PSD3: variants seen among roughly 807,000 people sequenced by gnomAD.
PSD3 encodes the protein PH and SEC7 domain-containing protein 3.
Under a neutral mutation model 105.5 loss-of-function variants are expected in PSD3, and 49 were observed. The ratio of observed to expected loss-of-function variants is 0.46; its 90% CI spans 0.37 to 0.59. The LOEUF (loss-of-function observed/expected upper bound fraction) is 0.59, where lower values mean the gene tolerates loss of function less well. Among genes scored for constraint, PSD3 ranks in the 20% least tolerant of loss-of-function variants. PSD3 has a pLI of 0.00. For synonymous variants in PSD3, 557 were observed against 457.8 expected (o/e 1.22, Z -2.77); for missense variants, 1,561 against 1,263.8 (o/e 1.24, Z -3.57).
intron 4 of PSD3, among the ~76,000 whole-genome samples, chr8:18,829,230 C>T (rs1813476030): frequency 6.6e-6 from 1 of 152,048 alleles, no homozygotes; most frequent in African/African-American, 2.4e-5. Context: ...GTGAGAGAGA[C>T]CCTGTCTCCA....
intron 9 of PSD3, chr8:18,734,159 T>G (rs1803978522): frequency 6.6e-6 from 1 of 152,226 alleles, no homozygotes; most frequent in South Asian, 2.1e-4. Context: ...GTAGAAAATA[T>G]CACTAAACTT....
At chr8:18,775,029 C>T (rs1044149647) in intron 8 of PSD3, 1 of 453,338 alleles carries the variant, frequency 2.2e-6, no homozygotes, top group African/African-American at 2.0e-5. Context: ...CTCCTCCTAC[C>T]TTCTGGTAAC....
chr8:18,664,883 A>G (rs563732488), intron 9 of PSD3, among the ~76,000 whole-genome samples: 19 of 152,352 alleles, frequency 1.2e-4, no homozygotes, highest in African/African-American at 4.6e-4. Context: ...GTGTAACAAC[A>G]AAGCCAGGAT....
At chr8:18,626,144 G>T (rs1344274786) in intron 11 of PSD3, among the ~76,000 whole-genome samples, 1 of 151,826 alleles carries the variant, frequency 6.6e-6, no homozygotes, top group African/African-American at 2.4e-5. Context: ...TCTCCTGGAG[G>T]CAGAATTTCT....
intron 12 of PSD3, among the ~76,000 whole-genome samples, chr8:18,592,757 C>T (rs1160926608): frequency 1.3e-5 from 2 of 151,976 alleles, no homozygotes; most frequent in Non-Finnish European, 2.9e-5. Flanking sequence ...GCAAAACTAC[C>T]CTTTAAAAAT....
At chr8:18,670,786 T>C (rs1799742089) in intron 9 of PSD3, among the ~76,000 whole-genome samples, 2 of 152,132 alleles carry the variant, frequency 1.3e-5, no homozygotes, top group Admixed American at 1.3e-4. Flanking sequence ...TGTGCGAGTA[T>C]CTGGGCACGA....
intron 14 of PSD3, among the ~76,000 whole-genome samples, chr8:18,556,804 T>C (rs1285499370): frequency 6.6e-6 from 1 of 152,228 alleles, no homozygotes; most frequent in Non-Finnish European, 1.5e-5. Flanking sequence ...TGCATATTTT[T>C]TTTCCTTTTT....
intron 14 of PSD3, among the ~76,000 whole-genome samples, chr8:18,567,459 C>T (rs2634439): frequency 0.93 from 141,996 of 152,244 alleles, 66,361 homozygotes; most frequent in Non-Finnish European, 0.97. Context: ...TGCCAACATA[C>T]CTTCTGGTCA....
intron 9 of PSD3, among the ~76,000 whole-genome samples, chr8:18,660,702 A>G (rs1354201066): frequency 6.6e-6 from 1 of 152,220 alleles, no homozygotes; most frequent in African/African-American, 2.4e-5. Context: ...GAATATTTCT[A>G]AATGCTCCAC....
rs142345764 is a variant in PSD3, at chr8:18,942,639, C to T, written c.22-6497G>A. The stretch of plus-strand genomic sequence containing the variant: ...CTAATGTCTTCATATGAAAAGATGA[C>T]GACAGGCACACACTGAGAAAAGACC... On this transcript the variant is annotated intron_variant, in intron 1 of 15. Transcript: ENST00000327040. Among the ~76,000 whole-genome samples the T allele has an allele frequency of 4.4e-4, 67 of 152,228 alleles. No homozygotes were observed. In the South Asian group the frequency reaches 8.9e-3, roughly 20 times the overall value.
chr8:18,868,067 A>T lies in PSD3; in HGVS notation c.1241T>A (p.Ile414Asn). The T allele has an allele frequency of 1.9e-6, 3 of 1,595,436 alleles. No individual in the cohort carries two copies. The highest frequency in any genetic ancestry group is 2.6e-6 in the Non-Finnish European group (3 of 1,171,694). The change falls in exon 4 of 16, where the codon ATC becomes AAC. Residue 414 changes from isoleucine (I) to asparagine (N), a missense_variant and splice_region_variant. Transcript: ENST00000327040. ...TPKPERDRER[I>N]SEQEEHVKGE... ...CTTAACGTGCTCCTCTTGTTCGCTG[A>T]TCCTGGAAAGTAAATAAGAGTGAAG... is the stretch of plus-strand genomic sequence containing the variant.
At chr8:19,033,558 A>T (rs1293934914) in intron 1 of PSD3, among the ~76,000 whole-genome samples, 46 of 138,990 alleles carry the variant, frequency 3.3e-4, no homozygotes, top group Non-Finnish European at 6.0e-4. Flanking sequence ...TTCTTTTTTT[A>T]AAATCTGTTT....
At chr8:19,077,828 C>A (rs969180173) in intron 1 of PSD3, among the ~76,000 whole-genome samples, 4 of 152,070 alleles carry the variant, frequency 2.6e-5, no homozygotes, top group Admixed American at 2.6e-4. Context: ...TTCAGTATAA[C>A]CCAATTCAGG....
chr8:18,929,382 T>C (rs947381987), intron 2 of PSD3, among the ~76,000 whole-genome samples: 9 of 151,846 alleles, frequency 5.9e-5, no homozygotes, highest in Non-Finnish European at 1.0e-4. Context: ...AGTTGGCAGG[T>C]CTCCAGATCT....
At chr8:18,985,467 T>A (rs1825454629) in intron 1 of PSD3, among the ~76,000 whole-genome samples, 1 of 152,216 alleles carries the variant, frequency 6.6e-6, no homozygotes, top group African/African-American at 2.4e-5. Flanking sequence ...GCACCAGGAA[T>A]TCCCTAGTTA....
intron 1 of PSD3, among the ~76,000 whole-genome samples, chr8:19,065,017 C>A (rs1327632862): frequency 1.3e-5 from 2 of 152,116 alleles, no homozygotes; most frequent in Non-Finnish European, 2.9e-5. Flanking sequence ...TTAAAATGGG[C>A]TAGTTTTCCA....
intron 9 of PSD3, among the ~76,000 whole-genome samples, chr8:18,693,032 C>G (rs918228495): frequency 2.6e-5 from 4 of 152,150 alleles, no homozygotes; most frequent in African/African-American, 9.7e-5. Context: ...AAATCTGAAA[C>G]AGACGCTGAC....
chr8:18,883,713 GC>G (rs974976666), intron 2 of PSD3, among the ~76,000 whole-genome samples: 1 of 152,106 alleles, frequency 6.6e-6, no homozygotes, highest in African/African-American at 2.4e-5. Context: ...TGGATGCGTT[GC>G]TTTTAAAATA....
At chr8:18,662,711 A>T (rs1208106307) in intron 9 of PSD3, among the ~76,000 whole-genome samples, 1 of 152,114 alleles carries the variant, frequency 6.6e-6, no homozygotes, top group Non-Finnish European at 1.5e-5. Context: ...GAAAGACCTT[A>T]GCTATCACCC....
Sources: allele counts gnomAD v4.1 joint callset (sites outside exome capture counted in the v4.1 genomes callset), GRCh38; gene constraint gnomAD v4.1.1; transcripts MANE v1.5; gene names NCBI Gene and HGNC (gene_info 2026-07-23, HGNC 2026-07-21).